Variants in EP300 observed in about 807,000 individuals in gnomAD.
The protein encoded by EP300 is histone acetyltransferase p300.
In EP300, 31 loss-of-function variants were observed where a neutral mutation model predicts 264.0. The ratio of observed to expected loss-of-function variants is 0.12; its 90% CI spans 0.09 to 0.16. The LOEUF (loss-of-function observed/expected upper bound fraction) is 0.16, where lower values mean the gene tolerates loss of function less well. Ranked by LOEUF, EP300 falls within the 10% of genes least tolerant of loss-of-function variation. EP300 has a pLI of 1.00. For missense variants in EP300, 2,766 were observed against 3,052.9 expected (o/e 0.91, Z 2.21); for synonymous variants, 1,340 against 1,045.4 (o/e 1.28, Z -5.44).
intron 1 of EP300, among the ~76,000 whole-genome samples, chr22:41,097,521 A>G (rs2058708813): frequency 6.6e-6 from 1 of 152,238 alleles, no homozygotes; most frequent in African/African-American, 2.4e-5. Context: ...AGTGGTAAAT[A>G]GGAAAGAGAA....
chr22:41,170,332 C>T (rs2145766140), intron 26 of EP300, 74 bp from the exon 27 acceptor site: 1 of 1,426,070 alleles, frequency 7.0e-7, no homozygotes, highest in Non-Finnish European at 9.9e-7. Context: ...TCAACTCCAA[C>T]TTGTGGTTTA....
At chr22:41,127,930 A>G (rs905116668) in intron 4 of EP300, among the ~76,000 whole-genome samples, 182 bp downstream of exon 4, 3 of 152,230 alleles carry the variant, frequency 2.0e-5, no homozygotes, top group Non-Finnish European at 4.4e-5. Context: ...TCTCACACTT[A>G]CAATCCCAGC....
intron 6 of EP300, among the ~76,000 whole-genome samples, chr22:41,132,977 G>A (rs2058929212): frequency 6.6e-6 from 1 of 152,164 alleles, no homozygotes; most frequent in Non-Finnish European, 1.5e-5. Context: ...TCCCTCTGCT[G>A]TCAAGCAGTT....
rs2145715541 is a variant in EP300, at chr22:41,131,442, G to A, written c.1337G>A (p.Gly446Asp). 2 of 1,614,100 alleles carry A rather than the reference G, an allele frequency of 1.2e-6. No homozygotes were observed. Among genetic ancestry groups the A allele is most frequent in the Non-Finnish European group, 1.7e-6 (2 of 1,180,024 alleles). ...GLGNPSSLGV[G>D]QQSAPNLSTV... ...GGAAATCCTAGCTCTCTAGGGGTGGGTCAACAGTCTGCCCCCAACCTAAGC... is the reference window on the plus strand; with the variant it reads ...GGAAATCCTAGCTCTCTAGGGGTGGATCAACAGTCTGCCCCCAACCTAAGC... The change falls in exon 6 of 31, where the codon GGT (glycine) becomes GAT (aspartate). Residue 446 changes from glycine to aspartate, a missense_variant. Transcript: ENST00000263253.
At chr22:41,157,792 A>G (rs2059085739) in intron 18 of EP300, among the ~76,000 whole-genome samples, 2 of 152,166 alleles carry the variant, frequency 1.3e-5, no homozygotes, top group African/African-American at 4.8e-5. Context: ...AAGTGCTGGA[A>G]TTACAGTCAT....
intron 7 of EP300, among the ~76,000 whole-genome samples, chr22:41,137,071 A>G (rs560581175): frequency 3.4e-4 from 51 of 151,326 alleles, no homozygotes; most frequent in Non-Finnish European, 6.5e-4. Flanking sequence ...AGAAGGAAAA[A>G]AAAATGGCTG....
Position 41,179,998 on chromosome 22 carries a change from T to G in EP300, c.*1042T>G, listed in dbSNP as rs1297690710. The G allele has an allele frequency of 4.3e-6, 1 of 231,174 alleles. No individual in the cohort carries two copies. The allele number at this position is 231,174 out of a possible 1,614,324, so 14.3% of individuals were successfully genotyped here. ...GCAATTAAAGTTGATTACTTATAAATATGAACTTTGGATCACTGTATAGAC... is the reference window on the plus strand; with the variant it reads ...GCAATTAAAGTTGATTACTTATAAAGATGAACTTTGGATCACTGTATAGAC... On this transcript the variant is annotated 3_prime_UTR_variant, in exon 31 of 31. Transcript: ENST00000263253.
chr22:41,116,482 G>C (rs1415344622), intron 1 of EP300, among the ~76,000 whole-genome samples: 6 of 152,018 alleles, frequency 3.9e-5, no homozygotes, highest in Non-Finnish European at 5.9e-5. Context: ...CTTTTCCTAT[G>C]TTTTCTGAGA....
intron 22 of EP300, among the ~76,000 whole-genome samples, chr22:41,165,682 C>T (rs1332455511): frequency 1.3e-5 from 2 of 152,172 alleles, no homozygotes; most frequent in Non-Finnish European, 2.9e-5. Flanking sequence ...CTCGGCCTCC[C>T]GAAGTGCTGG....
chr22:41,132,774 T>TGGAA (rs1258876319), intron 6 of EP300, among the ~76,000 whole-genome samples: 1 of 152,152 alleles, frequency 6.6e-6, no homozygotes, highest in East Asian at 1.9e-4. Flanking sequence ...TTTTGTGACT[T>TGGAA]GTTTGCCTCA....
At position 41,178,713 on chromosome 22, in the gene EP300, G is replaced by A. The variant is rs1601642366; in HGVS notation, c.7002G>A (p.Gln2334=). 2 of 1,614,070 alleles carry A rather than the reference G, an allele frequency of 1.2e-6. No individual in the cohort carries two copies. Among genetic ancestry groups the A allele is most frequent in the South Asian group, 2.2e-5 (2 of 91,080 alleles). The change falls in exon 31 of 31, where the codon CAG becomes CAA. Residue 2334 remains glutamine (Q), a synonymous_variant. Transcript: ENST00000263253. ...HSSPSPRMQP[Q]PSPHHVSPQT... Reference sequence around the variant, plus strand: ...GTCCTTCCCCAAGGATGCAGCCTCAGCCTTCTCCACACCACGTTTCCCCAC... The same window carrying A: ...GTCCTTCCCCAAGGATGCAGCCTCAACCTTCTCCACACCACGTTTCCCCAC...
intron 6 of EP300, among the ~76,000 whole-genome samples, chr22:41,134,902 C>CTTTCT (rs1569099885): frequency 6.6e-6 from 1 of 151,212 alleles, no homozygotes; most frequent in African/African-American, 2.4e-5. Flanking sequence ...TTGCTTTTTT[C>CTTTCT]TTTCTTTCTT....
chr22:41,164,190 T>C, intron 22 of EP300, 60 bp downstream of exon 22: 1 of 1,462,908 alleles, frequency 6.8e-7, no homozygotes, highest in Non-Finnish European at 9.6e-7. Flanking sequence ...ATTAACAAGT[T>C]TTTTATTCTA....
intron 17 of EP300, among the ~76,000 whole-genome samples, chr22:41,156,360 T>C (rs562141675): frequency 2.0e-5 from 3 of 152,194 alleles, no homozygotes; most frequent in African/African-American, 7.2e-5. Context: ...AAAAGGACCG[T>C]GGTTAGCTTT....
rs755425119 is a variant in EP300 at position 41,178,014 on chromosome 22, TGGGCAGCCTGGCATGCCCCAG to T, written c.6312_6332del (p.Met2106_Gly2112del). On this transcript the variant is annotated inframe_deletion, in exon 31 of 31. Coordinates refer to ENST00000263253, the MANE Select transcript of EP300 (RefSeq NM_001429.4). ...CCAACTCTAATCCACAACCCATCCC[TGGGCAGCCTGGCATGCCCCAG>T]GGGCAGCCAGGGCTACAGCCACCTA... 27 of 1,613,958 alleles carry T rather than the reference TGGGCAGCCTGGCATGCCCCAG, an allele frequency of 1.7e-5. No homozygotes were observed. The highest frequency in any genetic ancestry group is 6.7e-5 in the East Asian group (3 of 44,856).
At chr22:41,106,569 C>T (rs1274731520) in intron 1 of EP300, among the ~76,000 whole-genome samples, 1 of 152,154 alleles carries the variant, frequency 6.6e-6, no homozygotes, top group East Asian at 1.9e-4. Flanking sequence ...CCTGTGGACT[C>T]AACCACTGGG....
At chr22:41,164,271 T>C in intron 22 of EP300, 141 bp downstream of exon 22, 1 of 801,508 alleles carries the variant, frequency 1.2e-6, no homozygotes, top group Non-Finnish European at 2.0e-6. Flanking sequence ...GCCACGATAA[T>C]TATAGTTCGC....
At chr22:41,163,662 G>A (rs958312560) in intron 21 of EP300, among the ~76,000 whole-genome samples, 6 of 151,804 alleles carry the variant, frequency 4.0e-5, no homozygotes, top group South Asian at 2.1e-4. Flanking sequence ...CAGGAGAATC[G>A]CTGGAACCCG....
intron 21 of EP300, 145 bp downstream of exon 21, chr22:41,162,924 G>A (rs558191111): frequency 7.7e-5 from 55 of 716,468 alleles, no homozygotes; most frequent in African/African-American, 6.5e-4. Context: ...GTAAAACCAT[G>A]GAAAACACTG....
Sources: gnomAD v4.1 joint callset for allele counts (sites outside exome capture counted in the v4.1 genomes callset) on GRCh38, gnomAD v4.1.1 for gene constraint, MANE v1.5 for transcripts, NCBI Gene and HGNC (gene_info 2026-07-23, HGNC 2026-07-21) for gene names.